Variants in PBX3 observed in about 807,000 individuals in gnomAD.
PBX3 encodes the protein pre-B-cell leukemia transcription factor 3.
A neutral mutation model predicts 48.5 loss-of-function variants in PBX3; 14 were observed. That is an observed-to-expected ratio of 0.29 (90% CI 0.19 to 0.45). The LOEUF is 0.45. Among genes scored for constraint, PBX3 ranks in the 20% least tolerant of loss-of-function variants. PBX3 has a pLI of 1.00. For missense variants in PBX3, 386 were observed against 546.7 expected, an observed-to-expected ratio of 0.71 and a Z score of 2.93; for synonymous variants, 210 against 200.3, an observed-to-expected ratio of 1.05 and a Z score of -0.41.
chr9:125,882,274 G>A (rs1447554440), intron 2 of PBX3, among the ~76,000 whole-genome samples: 1 of 151,816 alleles, frequency 6.6e-6, no homozygotes, highest in Non-Finnish European at 1.5e-5. Context: ...GATTACAGAT[G>A]TAATTCAGCA....
chr9:125,829,740 A>G (rs1469666327), intron 2 of PBX3, among the ~76,000 whole-genome samples: 3 of 152,188 alleles, frequency 2.0e-5, no homozygotes. Context: ...AAGCAAAATA[A>G]TTGTTTTAAG....
intron 2 of PBX3, among the ~76,000 whole-genome samples, chr9:125,807,393 A>G (rs1460475475): frequency 6.6e-6 from 1 of 152,196 alleles, no homozygotes; most frequent in East Asian, 1.9e-4. Flanking sequence ...ATAGGCGGCT[A>G]TAGAAACTGA....
At chr9:125,773,306 A>T (rs1836988963) in intron 2 of PBX3, among the ~76,000 whole-genome samples, 1 of 152,186 alleles carries the variant, frequency 6.6e-6, no homozygotes. Context: ...CCCTTCGTTC[A>T]CTTGGCTGAC....
chr9:125,890,810 A>G (rs1840623266), intron 2 of PBX3, among the ~76,000 whole-genome samples: 1 of 152,252 alleles, frequency 6.6e-6, no homozygotes, highest in Non-Finnish European at 1.5e-5. Context: ...TGAGATTTGA[A>G]AAGATTAAAA....
chr9:125,847,664 A>G (rs1839461671), intron 2 of PBX3, among the ~76,000 whole-genome samples: 1 of 149,632 alleles, frequency 6.7e-6, no homozygotes, highest in Non-Finnish European at 1.5e-5. Flanking sequence ...GATTTTTAAC[A>G]TTTTTTTCTT....
rs148780600 is a variant in PBX3 at position 125,964,504 on chromosome 9, C to T, written c.1213-1327C>T. On this transcript the variant is annotated intron_variant, in intron 8 of 8. Transcript: ENST00000373489. ...CAAAACAGAGGCTTTAAAACAATACCACCATAGCTTTTTTTTTTTTTTAAA... is the reference window on the plus strand; with the variant it reads ...CAAAACAGAGGCTTTAAAACAATACTACCATAGCTTTTTTTTTTTTTTAAA... 6.7e-3 allele frequency among the ~76,000 whole-genome samples: 849 copies of T among 127,586 alleles called. 8 individuals carry two copies. The highest frequency in any genetic ancestry group is 0.021 in the African/African-American group (804 of 38,002). 83.7% of individuals were successfully genotyped at this position (127,586 alleles called of 152,430 possible).
At chr9:125,762,330 G>A (rs1382071473) in intron 2 of PBX3, among the ~76,000 whole-genome samples, 2 of 152,104 alleles carry the variant, frequency 1.3e-5, no homozygotes, top group African/African-American at 4.8e-5. Context: ...CACCCACTAT[G>A]TGTATCTGTA....
At chr9:125,812,478 C>CT (rs1838319544) in intron 2 of PBX3, among the ~76,000 whole-genome samples, 2 of 152,186 alleles carry the variant, frequency 1.3e-5, no homozygotes, top group Non-Finnish European at 2.9e-5. Flanking sequence ...CATTTACAGA[C>CT]TTAAGAGTTT....
chr9:125,851,810 C>T (rs375717521), intron 2 of PBX3, among the ~76,000 whole-genome samples: 66 of 149,790 alleles, frequency 4.4e-4, no homozygotes, highest in Non-Finnish European at 8.3e-4. Context: ...GGTGCTGATA[C>T]ATGCTCCTTA....
chr9:125,893,709 A>G (rs185260328), intron 2 of PBX3, among the ~76,000 whole-genome samples: 44 of 152,322 alleles, frequency 2.9e-4, no homozygotes, highest in Middle Eastern at 6.8e-3. Context: ...TTCATTTGTC[A>G]TGATTTGGCA....
At chr9:125,876,588 C>T (rs1169343176) in intron 2 of PBX3, among the ~76,000 whole-genome samples, 4 of 152,104 alleles carry the variant, frequency 2.6e-5, no homozygotes, top group African/African-American at 9.7e-5. Flanking sequence ...ATATATATAA[C>T]ATCCAAAATA....
rs980184751 is a variant in PBX3 at position 125,793,365 on chromosome 9, AAATATATATATAT to A, written c.274+44744_274+44756del. ...AGACTCCATTTGGGGGGGAAAAAAA[AAATATATATATAT>A]ATATATATATATATTTACTATTAAG... On this transcript the variant is annotated intron_variant, in intron 2 of 8. Transcript: ENST00000373489. 1.6e-4 allele frequency among the ~76,000 whole-genome samples: 15 copies of A among 95,574 alleles called. 1 individual carries two copies. The highest frequency in any genetic ancestry group is 2.8e-4 in the East Asian group (1 of 3,610). 62.7% of individuals were successfully genotyped at this position (95,574 alleles called of 152,430 possible). A position where few individuals can be genotyped will look rare whatever the true frequency, so the allele number is the denominator to read the frequency against.
rs1836273979 is a variant in PBX3, at chr9:125,748,537, ATTTG to A, written c.201-9_201-6del. On this transcript the variant is annotated splice_polypyrimidine_tract_variant and intron_variant, in intron 1 of 8. Transcript: ENST00000373489. ...GATGCTAATACCTTTGTGTTTCGTT[ATTTG>A]TTTTTTAGGAAACATGCCCTGAACT... 6.2e-7 allele frequency: 1 copy of A among 1,612,972 alleles called. No homozygotes were observed. Among genetic ancestry groups the A allele is most frequent in the South Asian group, 1.1e-5 (1 of 91,056 alleles).
intron 2 of PBX3, among the ~76,000 whole-genome samples, chr9:125,780,489 G>T (rs1837241378): frequency 7.2e-6 from 1 of 138,826 alleles, no homozygotes; most frequent in Non-Finnish European, 1.6e-5. Flanking sequence ...CTCCCTCCCG[G>T]ACGGGGCGTC....
At position 125,966,823 on chromosome 9, in the gene PBX3, G is replaced by T. The variant is rs113517815; in HGVS notation, c.*900G>T. On this transcript the variant is annotated 3_prime_UTR_variant, in exon 9 of 9. Transcript: ENST00000373489. ...GAATTTCAACATGTTCTGTAGCTTA[G>T]AGTGCTCACTTACTACCTCTGAACA... 2.0e-5 allele frequency: 3 copies of T among 152,730 alleles called. No individual in the cohort carries two copies. The highest frequency in any genetic ancestry group is 7.2e-5 in the African/African-American group (3 of 41,566). 9.5% of individuals were successfully genotyped at this position (152,730 alleles called of 1,614,324 possible).
intron 2 of PBX3, among the ~76,000 whole-genome samples, chr9:125,870,324 C>T (rs1287206218): frequency 6.6e-6 from 1 of 152,162 alleles, no homozygotes; most frequent in Non-Finnish European, 1.5e-5. Context: ...CCGCCTTGGC[C>T]TCCCAAAGTG....
At chr9:125,873,163 C>T (rs1024985334) in intron 2 of PBX3, among the ~76,000 whole-genome samples, 2 of 151,776 alleles carry the variant, frequency 1.3e-5, no homozygotes, top group Non-Finnish European at 2.9e-5. Flanking sequence ...CCAGCCTGGG[C>T]GACAGAGCGA....
intron 5 of PBX3, among the ~76,000 whole-genome samples, 176 bp downstream of exon 5, chr9:125,935,783 A>G (rs142747566): frequency 1.5e-3 from 228 of 152,364 alleles, no homozygotes; most frequent in African/African-American, 5.0e-3. Flanking sequence ...ATAATTTTGA[A>G]AAACTGTAAG....
At chr9:125,823,112 T>C (rs986123035) in intron 2 of PBX3, among the ~76,000 whole-genome samples, 9 of 152,208 alleles carry the variant, frequency 5.9e-5, no homozygotes, top group African/African-American at 2.2e-4. Context: ...GGTATGGTCA[T>C]ATTTGATGAC....
Sources: gnomAD v4.1 joint callset for allele counts (sites outside exome capture counted in the v4.1 genomes callset) on GRCh38, gnomAD v4.1.1 for gene constraint, MANE v1.5 for transcripts, NCBI Gene and HGNC (gene_info 2026-07-23, HGNC 2026-07-21) for gene names.